The following DENND5B variants were observed in gnomAD, a reference collection of about 807,000 sequenced individuals.
DENND5B encodes DENN domain containing 5B.
Under a neutral mutation model 140.6 loss-of-function variants are expected in DENND5B, and 34 were observed. The ratio of observed to expected loss-of-function variants is 0.24; its 90% CI spans 0.18 to 0.32. DENND5B has a LOEUF of 0.32. Ranked by LOEUF, DENND5B falls within the 10% of genes least tolerant of loss-of-function variation. The pLI, the probability that DENND5B is intolerant of heterozygous loss-of-function variation, is 1.00. For missense variants in DENND5B, 1,142 were observed against 1,560.2 expected, an observed-to-expected ratio of 0.73 and a Z score of 4.52; for synonymous variants, 551 against 562.1, an observed-to-expected ratio of 0.98 and a Z score of 0.28.
intron 7 of DENND5B, 143 bp downstream of exon 7, chr12:31,442,632 C>T: frequency 1.4e-6 from 1 of 698,850 alleles, no homozygotes; most frequent in Non-Finnish European, 2.1e-6. Flanking sequence ...AAGTGTCAAT[C>T]CATATTTCAA....
chr12:31,418,022 G>A (rs1254072840), intron 11 of DENND5B, among the ~76,000 whole-genome samples: 5 of 152,146 alleles, frequency 3.3e-5, no homozygotes, highest in Non-Finnish European at 7.3e-5. Flanking sequence ...GACACTAGCA[G>A]GTATAAATGA....
chr12:31,557,442 G>A (rs1949325418), intron 1 of DENND5B, among the ~76,000 whole-genome samples: 1 of 151,728 alleles, frequency 6.6e-6, no homozygotes, highest in African/African-American at 2.4e-5. Context: ...GCAGTGGCAT[G>A]CTCATGGCTC....
intron 11 of DENND5B, among the ~76,000 whole-genome samples, chr12:31,416,144 TTTTC>T (rs948928224): frequency 4.6e-5 from 7 of 152,002 alleles, no homozygotes; most frequent in African/African-American, 7.2e-5. Context: ...GACCCAGCTA[TTTTC>T]TTTCTATGTA....
intron 1 of DENND5B, among the ~76,000 whole-genome samples, chr12:31,550,239 A>G (rs1486249289): frequency 2.1e-5 from 2 of 96,692 alleles, no homozygotes; most frequent in Non-Finnish European, 3.8e-5. Context: ...AACAGTCCCC[A>G]GTGTGTGATG....
chr12:31,473,616 A>G (rs928191945), intron 3 of DENND5B, among the ~76,000 whole-genome samples: 1 of 152,198 alleles, frequency 6.6e-6, no homozygotes, highest in African/African-American at 2.4e-5. Context: ...AGTGACAACT[A>G]TCAGGGTGCT....
At chr12:31,513,019 C>T (rs1947487343) in intron 1 of DENND5B, among the ~76,000 whole-genome samples, 1 of 152,144 alleles carries the variant, frequency 6.6e-6, no homozygotes, top group African/African-American at 2.4e-5. Context: ...GCAGTCAAGC[C>T]TCCCTAAGTT....
intron 1 of DENND5B, among the ~76,000 whole-genome samples, chr12:31,586,778 A>C (rs563682681): frequency 6.6e-6 from 1 of 152,246 alleles, no homozygotes; most frequent in South Asian, 2.1e-4. Context: ...AATAGAAGTC[A>C]ATTAAGACCT....
At chr12:31,399,630 G>GAATTCTA in intron 16 of DENND5B, 24 bp downstream of exon 16, 2 of 1,581,974 alleles carry the variant, frequency 1.3e-6, no homozygotes, top group Non-Finnish European at 1.7e-6. Flanking sequence ...AAAGAATTCT[G>GAATTCTA]AGTTCCCAAG....
At chr12:31,522,109 C>T (rs1947915014) in intron 1 of DENND5B, among the ~76,000 whole-genome samples, 2 of 152,198 alleles carry the variant, frequency 1.3e-5, no homozygotes, top group Non-Finnish European at 2.9e-5. Context: ...AGACATCCCC[C>T]ACTCAATCCT....
intron 4 of DENND5B, 117 bp from the exon 5 acceptor site, chr12:31,452,593 G>T: frequency 1.8e-6 from 2 of 1,102,826 alleles, no homozygotes; most frequent in Non-Finnish European, 2.5e-6. Flanking sequence ...GGAGGCCAAA[G>T]CAAAAGGATC....
At chr12:31,409,505 T>C in intron 13 of DENND5B, 121 bp from the exon 14 acceptor site, 9 of 1,144,446 alleles carry the variant, frequency 7.9e-6, no homozygotes, top group Non-Finnish European at 1.0e-5. Context: ...TTAAACAGAG[T>C]TTCTCTCTTG....
At chr12:31,419,544 G>GAC (rs1942922778) in intron 11 of DENND5B, among the ~76,000 whole-genome samples, 1 of 151,888 alleles carries the variant, frequency 6.6e-6, no homozygotes, top group African/African-American at 2.4e-5. Flanking sequence ...CACGTTTGTA[G>GAC]AGGGCAGGGA....
chr12:31,433,248 A>T lies in DENND5B; in HGVS notation c.2013T>A (p.Asn671Lys). 1 of 1,607,662 alleles carries T rather than the reference A, an allele frequency of 6.2e-7. No homozygotes were observed. Among genetic ancestry groups the T allele is most frequent in the Non-Finnish European group, 8.5e-7 (1 of 1,177,794 alleles). The change falls in exon 8 of 21, where the codon AAT becomes AAA. Residue 671 changes from asparagine (N) to lysine (K), a missense_variant and splice_region_variant. Transcript: ENST00000389082. ...CAGTGGCACTCCGACTTACCCAGCGACTGAAACAATCAAATTATTTAAAAA... is the reference window on the plus strand; with the variant it reads ...CAGTGGCACTCCGACTTACCCAGCGTCTGAAACAATCAAATTATTTAAAAA... ...DVLATGPTSN[N>K]RWVSRSATAQ...
At chr12:31,405,816 G>C (rs1268012752) in intron 14 of DENND5B, among the ~76,000 whole-genome samples, 1 of 151,662 alleles carries the variant, frequency 6.6e-6, no homozygotes, top group Non-Finnish European at 1.5e-5. Flanking sequence ...AAAGTGCTGG[G>C]ATTACAGGTG....
At chr12:31,482,551 C>T (rs746857961) in intron 2 of DENND5B, among the ~76,000 whole-genome samples, 5 of 152,110 alleles carry the variant, frequency 3.3e-5, no homozygotes, top group Non-Finnish European at 7.4e-5. Flanking sequence ...TTCAAAAATA[C>T]ATGCAGAAAC....
At chr12:31,449,334 A>C (rs534584944) in intron 5 of DENND5B, among the ~76,000 whole-genome samples, 1 of 152,336 alleles carries the variant, frequency 6.6e-6, no homozygotes, top group African/African-American at 2.4e-5. Context: ...TATATACATA[A>C]ATCCAAATAA....
At chr12:31,579,027 T>G (rs1043248956) in intron 1 of DENND5B, among the ~76,000 whole-genome samples, 1 of 152,246 alleles carries the variant, frequency 6.6e-6, no homozygotes, top group Non-Finnish European at 1.5e-5. Context: ...ACTTCTGACT[T>G]AATAATGCTA....
chr12:31,579,430 G>T (rs899212776), intron 1 of DENND5B, among the ~76,000 whole-genome samples: 1 of 152,088 alleles, frequency 6.6e-6, no homozygotes. Flanking sequence ...GGGTAGCCGA[G>T]GGGGGTGATC....
At chr12:31,547,397 TA>T (rs1948898705) in intron 1 of DENND5B, among the ~76,000 whole-genome samples, 1 of 152,140 alleles carries the variant, frequency 6.6e-6, no homozygotes, top group African/African-American at 2.4e-5. Context: ...GCTAGCAAAC[TA>T]AAAAGTTTTT....
Sources: allele counts gnomAD v4.1 joint callset (sites outside exome capture counted in the v4.1 genomes callset), GRCh38; gene constraint gnomAD v4.1.1; transcripts MANE v1.5; gene names NCBI Gene and HGNC (gene_info 2026-07-23, HGNC 2026-07-21).